RHOBTB1: variants seen among roughly 807,000 people sequenced by gnomAD.
RHOBTB1 encodes the protein rho-related BTB domain-containing protein 1.
A neutral mutation model predicts 71.6 loss-of-function variants in RHOBTB1; 40 were observed. That is an observed-to-expected ratio of 0.56 (90% confidence interval 0.43 to 0.73). The LOEUF (loss-of-function observed/expected upper bound fraction) is 0.73. RHOBTB1 is among the 30% of genes least tolerant of loss of function. The pLI is 0.00. For missense variants in RHOBTB1, 797 were observed against 894.0 expected, an observed-to-expected ratio of 0.89 and a Z score of 1.38; for synonymous variants, 319 against 334.9, an observed-to-expected ratio of 0.95 and a Z score of 0.52.
At chr10:60,931,813 A>C (rs2084273484) in intron 2 of RHOBTB1, among the ~76,000 whole-genome samples, 1 of 152,212 alleles carries the variant, frequency 6.6e-6, no homozygotes, top group Non-Finnish European at 1.5e-5. Flanking sequence ...TCTGAGTATC[A>C]GACACAGAAA....
downstream of RHOBTB1, among the ~76,000 whole-genome samples, chr10:60,867,943 T>C (rs1311384662): frequency 6.6e-6 from 1 of 152,326 alleles, no homozygotes; most frequent in Middle Eastern, 3.4e-3. Flanking sequence ...TCGAGGGATA[T>C]GCAGTAATCT....
intron 4 of RHOBTB1, among the ~76,000 whole-genome samples, chr10:60,905,256 C>G (rs1377763090): frequency 6.6e-6 from 1 of 151,828 alleles, no homozygotes; most frequent in African/African-American, 2.4e-5. Context: ...CGAGACCACC[C>G]TGGCCAACAT....
At chr10:60,905,736 C>T (rs922471136) in intron 4 of RHOBTB1, among the ~76,000 whole-genome samples, 1 of 152,146 alleles carries the variant, frequency 6.6e-6, no homozygotes, top group African/African-American at 2.4e-5. Context: ...TGCTTGCCAT[C>T]CTAACATCAT....
At chr10:60,971,664 G>A (rs1409548935) in intron 2 of RHOBTB1, among the ~76,000 whole-genome samples, 1 of 152,088 alleles carries the variant, frequency 6.6e-6, no homozygotes, top group Non-Finnish European at 1.5e-5. Context: ...AACACCAAAA[G>A]CAATGGCAAC....
chr10:60,933,321 G>A (rs1442212583), intron 2 of RHOBTB1, among the ~76,000 whole-genome samples: 1 of 152,180 alleles, frequency 6.6e-6, no homozygotes. Flanking sequence ...TCTGGAGTGC[G>A]ACTAGAAATT....
At chr10:60,994,523 G>C (rs1205817336) in intron 1 of RHOBTB1, among the ~76,000 whole-genome samples, 1 of 152,062 alleles carries the variant, frequency 6.6e-6, no homozygotes, top group Non-Finnish European at 1.5e-5. Flanking sequence ...AGATCTCCAA[G>C]TTCACATTTT....
rs372402462 is a variant in RHOBTB1, at chr10:60,871,537, T to C, written c.2036A>G (p.Lys679Arg). 7.7e-5 allele frequency: 125 copies of C among 1,614,054 alleles called. No homozygotes were observed. The Admixed American group carries it at 1.8e-3, about 23-fold the overall frequency. ...GCACCACTTTCGTCTTGAGCGATGC[T>C]TATTTAGTGCAATATCTTCCTTCTC... ...EREKEDIALN[K>R]HRSRRKWCFW... The change falls in exon 11 of 11, where the codon AAG becomes AGG. Residue 679 changes from lysine (K) to arginine (R), a missense_variant. Transcript: ENST00000337910.
intron 8 of RHOBTB1, 82 bp from the exon 9 acceptor site, chr10:60,875,124 G>A (rs142704691): frequency 7.4e-6 from 7 of 940,530 alleles, no homozygotes; most frequent in South Asian, 1.3e-5. Flanking sequence ...GGTCTGGGAC[G>A]ACTTAAGAAG....
intron 4 of RHOBTB1, among the ~76,000 whole-genome samples, chr10:60,897,955 C>T (rs575719174): frequency 3.9e-5 from 6 of 152,216 alleles, no homozygotes; most frequent in South Asian, 2.1e-4. Context: ...CTTCCCACCT[C>T]GGCTTTGCAA....
downstream of RHOBTB1, among the ~76,000 whole-genome samples, chr10:60,865,029 A>G (rs143868824): frequency 7.2e-4 from 109 of 152,306 alleles, no homozygotes; most frequent in Non-Finnish European, 1.1e-3. Context: ...GTGTATAAAG[A>G]GAAGTGATAT....
chr10:60,889,274 T>C, intron 5 of RHOBTB1, 89 bp from the exon 6 acceptor site: 1 of 1,336,778 alleles, frequency 7.5e-7, no homozygotes, highest in Non-Finnish European at 1.0e-6. Context: ...AATGGAACTA[T>C]ACACTGAAAA....
At chr10:60,930,319 A>T (rs1398439112) in intron 2 of RHOBTB1, among the ~76,000 whole-genome samples, 1 of 152,194 alleles carries the variant, frequency 6.6e-6, no homozygotes, top group Admixed American at 6.5e-5. Context: ...ATTGTTGTGA[A>T]GATTATATTA....
chr10:60,868,794 CT>C (rs1204023589), downstream of RHOBTB1, among the ~76,000 whole-genome samples: 1 of 152,184 alleles, frequency 6.6e-6, no homozygotes, highest in East Asian at 1.9e-4. Context: ...AACCGGTATA[CT>C]TTATGTAAAA....
At chr10:60,927,154 A>C (rs1428573177) in intron 2 of RHOBTB1, among the ~76,000 whole-genome samples, 1 of 152,256 alleles carries the variant, frequency 6.6e-6, no homozygotes. Context: ...CTAGGAATAA[A>C]CTTAACCAAA....
chr10:60,928,837 G>GTACT (rs777378844), intron 2 of RHOBTB1, among the ~76,000 whole-genome samples: 7 of 152,150 alleles, frequency 4.6e-5, no homozygotes, highest in South Asian at 2.1e-4. Flanking sequence ...AAACCCCAAT[G>GTACT]TAGTAGTCTG....
intron 1 of RHOBTB1, among the ~76,000 whole-genome samples, chr10:60,990,897 C>T (rs566928155): frequency 2.4e-4 from 36 of 152,322 alleles, no homozygotes; most frequent in East Asian, 9.7e-4. Context: ...TGCTGTCTCC[C>T]GTGATGTCTC....
chr10:60,967,090 G>A (rs1452069599), intron 2 of RHOBTB1, among the ~76,000 whole-genome samples: 3 of 151,954 alleles, frequency 2.0e-5, no homozygotes, highest in African/African-American at 4.8e-5. Context: ...TTCGGACACC[G>A]CAGTCAGGGT....
At chr10:60,988,273 T>C (rs773688807) in intron 1 of RHOBTB1, among the ~76,000 whole-genome samples, 14 of 152,172 alleles carry the variant, frequency 9.2e-5, no homozygotes, top group Admixed American at 2.0e-4. Flanking sequence ...TATTTATTTA[T>C]TTCAAAGAAC....
intron 4 of RHOBTB1, among the ~76,000 whole-genome samples, chr10:60,910,070 T>C (rs1204803899): frequency 1.3e-5 from 2 of 152,198 alleles, no homozygotes; most frequent in African/African-American, 4.8e-5. Flanking sequence ...TGATGTTTGA[T>C]GTTAAGAAGA....
Sources: gnomAD v4.1 joint callset for allele counts (sites outside exome capture counted in the v4.1 genomes callset) on GRCh38, gnomAD v4.1.1 for gene constraint, MANE v1.5 for transcripts, NCBI Gene and HGNC (gene_info 2026-07-23, HGNC 2026-07-21) for gene names.